Variants in HECW1 observed in about 807,000 individuals in gnomAD.
HECW1 encodes HECT, C2 and WW domain containing E3 ubiquitin protein ligase 1, also known as E3 ubiquitin-protein ligase HECW1.
In HECW1, 61 loss-of-function variants were observed where a neutral mutation model predicts 182.3. The ratio of observed to expected loss-of-function variants is 0.33; its 90% confidence interval spans 0.27 to 0.41. The LOEUF is 0.41. HECW1 is among the 10% of genes least tolerant of loss of function. The pLI, the probability that HECW1 is intolerant of heterozygous loss-of-function variation, is 1.00. For missense variants in HECW1, 1,739 were observed against 2,108.9 expected, an observed-to-expected ratio of 0.82 and a Z score of 3.44; for synonymous variants, 859 against 832.6, an observed-to-expected ratio of 1.03 and a Z score of -0.55.
chr7:43,314,190 C>T (rs533504140), intron 4 of HECW1, among the ~76,000 whole-genome samples: 1 of 152,238 alleles, frequency 6.6e-6, no homozygotes, highest in Non-Finnish European at 1.5e-5. Flanking sequence ...AAGTTAGGTA[C>T]CCACTGGAAG....
chr7:43,505,551 C>A (rs1320275719), intron 21 of HECW1, among the ~76,000 whole-genome samples: 1 of 152,144 alleles, frequency 6.6e-6, no homozygotes. Flanking sequence ...AGCTCCTGCC[C>A]ACCTCTCAGG....
chr7:43,316,962 GA>G (rs988455750), intron 4 of HECW1, among the ~76,000 whole-genome samples: 6 of 151,122 alleles, frequency 4.0e-5, no homozygotes, highest in Non-Finnish European at 7.4e-5. Context: ...GCAAGATCGG[GA>G]AGGTGAATAT....
chr7:43,518,721 A>C (rs1308013866), intron 24 of HECW1, among the ~76,000 whole-genome samples: 1 of 152,230 alleles, frequency 6.6e-6, no homozygotes, highest in Non-Finnish European at 1.5e-5. Context: ...AAAGTTGGTC[A>C]GAGAAGAACA....
intron 3 of HECW1, among the ~76,000 whole-genome samples, chr7:43,279,507 T>A (rs1312494754): frequency 6.6e-6 from 1 of 152,152 alleles, no homozygotes; most frequent in Non-Finnish European, 1.5e-5. Flanking sequence ...TCCACGCTCT[T>A]CTTTTTTACT....
At chr7:43,384,252 C>G (rs1290212647) in intron 6 of HECW1, among the ~76,000 whole-genome samples, 1 of 152,170 alleles carries the variant, frequency 6.6e-6, no homozygotes, top group East Asian at 1.9e-4. Context: ...TCTCCACGTA[C>G]CCCCTGGAAA....
intron 8 of HECW1, among the ~76,000 whole-genome samples, chr7:43,433,812 G>A (rs1344078127): frequency 6.6e-6 from 1 of 152,306 alleles, no homozygotes; most frequent in Middle Eastern, 3.4e-3. Flanking sequence ...GAGAAGATGA[G>A]GAGCCATTTA....
chr7:43,274,216 C>T (rs1802794593), intron 3 of HECW1: 5 of 567,362 alleles, frequency 8.8e-6, no homozygotes, highest in African/African-American at 1.9e-5. Context: ...TTGCCCACCC[C>T]CAAATGCCAC....
chr7:43,454,296 A>G (rs1257127698), intron 12 of HECW1, among the ~76,000 whole-genome samples: 1 of 152,160 alleles, frequency 6.6e-6, no homozygotes, highest in Non-Finnish European at 1.5e-5. Context: ...AAATTCCACA[A>G]TGCTCTTCAA....
rs759908986 is a variant in HECW1, at chr7:43,493,169, C to T, written c.3426C>T (p.Asn1142=). ...LQERQPSLAR[N]HTLREKIHYI... is the part of the protein sequence containing the mutation. ...AGCGTCAGCCAAGCTTAGCAAGAAA[C>T]CACACACTCAGGTAAGCCTCGCCCC... Residue 1142 remains asparagine (N), a synonymous_variant, in exon 19 of 30, where the codon AAC becomes AAT. Coordinates refer to ENST00000395891, the MANE Select transcript of HECW1 (RefSeq NM_015052.5). The T allele has an allele frequency of 6.2e-7, 1 of 1,612,190 alleles. No homozygotes were observed. The highest frequency in any genetic ancestry group is 1.1e-5 in the South Asian group (1 of 91,002).
rs564962283 is a variant in HECW1 at position 43,445,367 on chromosome 7, T to C, written c.2195T>C (p.Val732Ala). ...VDSAKISEST[V>A]FSSQDDEEEE... ...AGCGCCAAGATCTCCGAGAGCACGG[T>C]CTTCTCCTCGCAAGACGACGAGGAG... Residue 732 changes from valine (V) to alanine (A), a missense_variant, in exon 11 of 30, where the codon GTC becomes GCC. By Grantham distance (64) the Val-to-Ala change is moderately conservative. Around this residue, in one of 5 missense-constraint regions of HECW1, gnomAD observed 971 missense variants for 1,029.1 expected, o/e 0.94. Transcript: ENST00000395891. The C allele has an allele frequency of 1.2e-5, 19 of 1,613,664 alleles. No homozygotes were observed. In the South Asian group the frequency reaches 2.0e-4, roughly 17 times the overall value.
At chr7:43,346,443 G>C (rs563047394) in intron 5 of HECW1, among the ~76,000 whole-genome samples, 1 of 152,138 alleles carries the variant, frequency 6.6e-6, no homozygotes, top group Non-Finnish European at 1.5e-5. Flanking sequence ...TATGTGGGTT[G>C]TATGTTTATT....
In HECW1 at chr7:43,203,889, G is replaced by A. The variant is rs953360055; in HGVS notation, c.-31-39986G>A. On this transcript the variant is annotated intron_variant, in intron 2 of 29. Coordinates refer to ENST00000395891, the MANE Select transcript of HECW1 (RefSeq NM_015052.5). ...CTTAAATTGTATGTATTTAATAGCT[G>A]ACAATTCTTGCTATTATGTAATATC... Among the ~76,000 whole-genome samples the A allele has an allele frequency of 2.0e-5, 3 of 152,272 alleles. No individual in the cohort carries two copies. The East Asian group carries it at 5.8e-4, about 29-fold the overall frequency.
intron 5 of HECW1, among the ~76,000 whole-genome samples, chr7:43,356,462 G>A (rs1314292528): frequency 6.6e-6 from 1 of 151,994 alleles, no homozygotes; most frequent in Non-Finnish European, 1.5e-5. Flanking sequence ...ATCATAATAG[G>A]GGACTTCAAT....
chr7:43,373,163 G>A lies in HECW1; in HGVS notation c.555+12183G>A, dbSNP rs1487306734. Among the ~76,000 whole-genome samples, 6 of 151,456 alleles carry A rather than the reference G, an allele frequency of 4.0e-5. No homozygotes were observed. In the South Asian group the frequency reaches 1.0e-3, roughly 26 times the overall value. On this transcript the variant is annotated intron_variant, in intron 6 of 29. Coordinates refer to ENST00000395891, the MANE Select transcript of HECW1 (RefSeq NM_015052.5). ...TGCAGGCATCACAGTGAGCTCTGTG[G>A]TGCTGCCCATGCACGTTGGTGTCGT...
rs569630813 is a variant in HECW1 at position 43,288,332 on chromosome 7, T to A, written c.28-23431T>A. ...ATCCGGGAGCAGGGAGGGAGGAAGG[T>A]GGCCATGTGTATTTGAAAAAAATCC... On this transcript the variant is annotated intron_variant, in intron 3 of 29. Coordinates refer to ENST00000395891, the MANE Select transcript of HECW1 (RefSeq NM_015052.5). 2.0e-5 allele frequency among the ~76,000 whole-genome samples: 3 copies of A among 152,282 alleles called. No homozygotes were observed. The East Asian group carries it at 5.8e-4, about 29-fold the overall frequency.
At chr7:43,314,074 A>C (rs1808881587) in intron 4 of HECW1, among the ~76,000 whole-genome samples, 1 of 152,176 alleles carries the variant, frequency 6.6e-6, no homozygotes, top group Non-Finnish European at 1.5e-5. Flanking sequence ...TCAGCCTCCC[A>C]AAATGCTGAG....
In HECW1 at chr7:43,401,297, T is replaced by C. The variant is rs1486696699; in HGVS notation, c.631+4408T>C. Among the ~76,000 whole-genome samples, 3 of 152,286 alleles carry C rather than the reference T, an allele frequency of 2.0e-5. No individual in the cohort carries two copies. In the East Asian group the frequency reaches 5.8e-4, roughly 29 times the overall value. ...GAAAGGGAATCAGTGATATGACAGA[T>C]TGACTTGAGAGTCTCTCCCGGAAGG... On this transcript the variant is annotated intron_variant, in intron 7 of 29. Coordinates refer to ENST00000395891, the MANE Select transcript of HECW1 (RefSeq NM_015052.5).
intron 2 of HECW1, among the ~76,000 whole-genome samples, chr7:43,203,926 A>G (rs970386125): frequency 4.6e-5 from 7 of 152,186 alleles, no homozygotes; most frequent in African/African-American, 1.7e-4. Flanking sequence ...TGTATTCACT[A>G]TGTTTAGATG....
chr7:43,556,471 GC>G (rs1265310084), intron 29 of HECW1, among the ~76,000 whole-genome samples: 1 of 152,178 alleles, frequency 6.6e-6, no homozygotes, highest in Non-Finnish European at 1.5e-5. Context: ...CGGATAGCTT[GC>G]GCCCAAGAGT....
Sources: allele counts gnomAD v4.1 joint callset (sites outside exome capture counted in the v4.1 genomes callset), GRCh38; gene constraint gnomAD v4.1.1; regional missense constraint gnomAD v4.1.1; transcripts MANE v1.5; gene names NCBI Gene and HGNC (gene_info 2026-07-23, HGNC 2026-07-21).